MAST4: variants seen among roughly 807,000 people sequenced by gnomAD.
The protein encoded by MAST4 is microtubule-associated serine/threonine-protein kinase 4.
Under a neutral mutation model 162.7 loss-of-function variants are expected in MAST4, and 89 were observed. That is an observed-to-expected ratio of 0.55 (90% CI 0.46 to 0.65). MAST4 has a LOEUF of 0.65. MAST4 is among the 30% of genes least tolerant of loss of function. The pLI is 0.00. For missense variants in MAST4, 3,153 were observed against 3,374.0 expected (o/e 0.93, Z 1.62); for synonymous variants, 1,479 against 1,361.1 (o/e 1.09, Z -1.91).
intron 1 of MAST4, among the ~76,000 whole-genome samples, chr5:66,618,129 G>T (rs1307615762): frequency 6.6e-6 from 1 of 152,096 alleles, no homozygotes; most frequent in Non-Finnish European, 1.5e-5. Context: ...CCTCCCGCCC[G>T]TTGGCTTGTG....
intron 4 of MAST4, among the ~76,000 whole-genome samples, chr5:66,991,585 C>G (rs1750071333): frequency 6.6e-6 from 1 of 152,158 alleles, no homozygotes; most frequent in Admixed American, 6.5e-5. Context: ...TTACAGATAC[C>G]TGGCAGCTCA....
chr5:66,807,378 C>A (rs1756243358), intron 3 of MAST4, among the ~76,000 whole-genome samples: 1 of 152,050 alleles, frequency 6.6e-6, no homozygotes, highest in South Asian at 2.1e-4. Flanking sequence ...CGCCTTTAGT[C>A]CCAGCTACTC....
chr5:66,900,064 G>T, intron 4 of MAST4, 82 bp downstream of exon 4: 1 of 944,550 alleles, frequency 1.1e-6, no homozygotes, highest in Non-Finnish European at 1.5e-6. Flanking sequence ...TTCATTAGTG[G>T]CAATTATAAA....
intron 4 of MAST4, among the ~76,000 whole-genome samples, chr5:66,918,186 T>C (rs1385063447): frequency 6.6e-6 from 1 of 152,166 alleles, no homozygotes; most frequent in Non-Finnish European, 1.5e-5. Context: ...AATTATATTA[T>C]TGCATTAAAG....
In MAST4 at chr5:66,596,603, G is replaced by A. The variant is rs998181323; in HGVS notation, c.-53G>A. The A allele has an allele frequency of 2.0e-5, 27 of 1,383,748 alleles. No homozygotes were observed. Among genetic ancestry groups the A allele is most frequent in the Non-Finnish European group, 2.5e-5 (27 of 1,072,512 alleles). 85.7% of individuals were successfully genotyped at this position (1,383,748 alleles called of 1,614,324 possible). A position where few individuals can be genotyped will look rare whatever the true frequency, so the allele number is the denominator to read the frequency against. Reference sequence around the variant, plus strand: ...GCCCGCGTCTTCCCCGGGAGGCGCTGAGTGCGCGCCGCGCCCCCGCCGCTC... The same window carrying A: ...GCCCGCGTCTTCCCCGGGAGGCGCTAAGTGCGCGCCGCGCCCCCGCCGCTC... On this transcript the variant is annotated 5_prime_UTR_variant, in exon 1 of 29. Transcript: ENST00000403625.
intron 24 of MAST4, among the ~76,000 whole-genome samples, chr5:67,151,680 C>T (rs1771825127): frequency 1.3e-5 from 2 of 150,646 alleles, no homozygotes; most frequent in African/African-American, 4.9e-5. Flanking sequence ...GTTGTCACCA[C>T]AGTAATGTTA....
intron 3 of MAST4, among the ~76,000 whole-genome samples, chr5:66,790,901 T>G (rs1755368131): frequency 6.6e-6 from 1 of 152,264 alleles, no homozygotes; most frequent in Non-Finnish European, 1.5e-5. Context: ...GAAGTGTTTT[T>G]TAGCTGCTGC....
chr5:66,608,768 G>A (rs984363211), intron 1 of MAST4, among the ~76,000 whole-genome samples: 3 of 134,982 alleles, frequency 2.2e-5, no homozygotes, highest in East Asian at 2.5e-4. Context: ...TTTAGAATAA[G>A]TCTTGTAATA....
chr5:66,845,241 C>T (rs181205760), intron 3 of MAST4, among the ~76,000 whole-genome samples: 35 of 151,288 alleles, frequency 2.3e-4, no homozygotes, highest in Admixed American at 4.0e-4. Flanking sequence ...TTACATTAGG[C>T]ATTTCTCCTA....
intron 4 of MAST4, among the ~76,000 whole-genome samples, chr5:66,976,817 C>G (rs1748195252): frequency 6.6e-6 from 1 of 152,186 alleles, no homozygotes; most frequent in Admixed American, 6.5e-5. Flanking sequence ...CTGTGGGCTT[C>G]CTATTTAGCT....
chr5:66,848,531 C>A (rs1222203511), intron 3 of MAST4, among the ~76,000 whole-genome samples: 3 of 152,068 alleles, frequency 2.0e-5, no homozygotes, highest in African/African-American at 4.8e-5. Flanking sequence ...AATTTTTTAA[C>A]CTAAATGATT....
At chr5:66,815,629 T>G (rs1756680738) in intron 3 of MAST4, among the ~76,000 whole-genome samples, 1 of 152,226 alleles carries the variant, frequency 6.6e-6, no homozygotes, top group Non-Finnish European at 1.5e-5. Flanking sequence ...AAATTCTTCT[T>G]TCTGGTAAAG....
Position 66,736,343 on chromosome 5 carries a change from A to ATG in MAST4, c.364-23359_364-23358dup, listed in dbSNP as rs773214008. ...TTTTTTTTTTTTTTTTGGTCCTTGT[A>ATG]TGTGTGTGCCTTGCCTTATATGTGC... On this transcript the variant is annotated intron_variant, in intron 1 of 28. Transcript: ENST00000403625. Among the ~76,000 whole-genome samples the ATG allele has an allele frequency of 9.4e-5, 13 of 138,092 alleles. No individual in the cohort carries two copies. In the East Asian group the frequency reaches 1.9e-3, roughly 20 times the overall value. The allele number at this position is 138,092 out of a possible 152,430, so 90.6% of individuals were successfully genotyped here.
intron 4 of MAST4, among the ~76,000 whole-genome samples, chr5:66,979,826 G>A (rs1032863281): frequency 2.0e-5 from 3 of 152,176 alleles, no homozygotes; most frequent in African/African-American, 7.2e-5. Context: ...TTCTAGCCCC[G>A]TGGCTCACAG....
At chr5:66,791,749 G>T (rs1051356427) in intron 3 of MAST4, among the ~76,000 whole-genome samples, 1 of 152,128 alleles carries the variant, frequency 6.6e-6, no homozygotes, top group Non-Finnish European at 1.5e-5. Flanking sequence ...GATAGTGAAG[G>T]TTTAAAATTT....
intron 4 of MAST4, among the ~76,000 whole-genome samples, chr5:66,977,685 A>G (rs550469886): frequency 8.5e-4 from 129 of 152,274 alleles, no homozygotes; most frequent in African/African-American, 2.9e-3. Flanking sequence ...GGTTTACATT[A>G]GCTGTTGTTT....
At chr5:67,037,734 A>G (rs1756196792) in intron 4 of MAST4, among the ~76,000 whole-genome samples, 1 of 152,176 alleles carries the variant, frequency 6.6e-6, no homozygotes, top group South Asian at 2.1e-4. Context: ...GGAAGTTTTA[A>G]CAGTTGAAAA....
At chr5:66,938,222 T>C (rs1742974874) in intron 4 of MAST4, among the ~76,000 whole-genome samples, 1 of 152,216 alleles carries the variant, frequency 6.6e-6, no homozygotes, top group Admixed American at 6.5e-5. Context: ...TTTTTTCTTA[T>C]AATGCTTTTA....
chr5:66,900,632 A>G (rs1235342391), intron 4 of MAST4, among the ~76,000 whole-genome samples: 2 of 152,128 alleles, frequency 1.3e-5, no homozygotes, highest in South Asian at 2.1e-4. Flanking sequence ...TTGTTATCCA[A>G]TAGTACTGTG....
Sources: gnomAD v4.1 joint callset for allele counts (sites outside exome capture counted in the v4.1 genomes callset) on GRCh38, gnomAD v4.1.1 for gene constraint, MANE v1.5 for transcripts, NCBI Gene and HGNC (gene_info 2026-07-23, HGNC 2026-07-21) for gene names.